ZNF385D: variants seen among roughly 807,000 people sequenced by gnomAD.
The protein encoded by ZNF385D is zinc finger protein 659.
ZNF385D carries 15 observed loss-of-function variants against 35.8 expected under a neutral mutation model. The ratio of observed to expected loss-of-function variants is 0.42; its 90% CI spans 0.28 to 0.64. The LOEUF (loss-of-function observed/expected upper bound fraction) is 0.64. Among genes scored for constraint, ZNF385D ranks in the 30% least tolerant of loss-of-function variants. The pLI is 0.23. For synonymous variants in ZNF385D, 212 were observed against 186.8 expected, an observed-to-expected ratio of 1.13 and a Z score of -1.10; for missense variants, 474 against 494.6, an observed-to-expected ratio of 0.96 and a Z score of 0.39.
intron 2 of ZNF385D, among the ~76,000 whole-genome samples, chr3:22,319,094 A>G (rs568661652): frequency 6.6e-6 from 1 of 152,286 alleles, no homozygotes; most frequent in South Asian, 2.1e-4. Context: ...CAAAAGCCAA[A>G]TTTGTAATTA....
intron 3 of ZNF385D, among the ~76,000 whole-genome samples, chr3:21,888,597 T>C (rs1698676742): frequency 6.6e-6 from 1 of 151,658 alleles, no homozygotes; most frequent in Non-Finnish European, 1.5e-5. Context: ...AGATTAAGAA[T>C]TGAAATAAAA....
chr3:21,441,746 C>CA (rs1450888133), intron 4 of ZNF385D: 1 of 985,044 alleles, frequency 1.0e-6, no homozygotes, highest in East Asian at 1.1e-4. Context: ...TTTCCCCCTG[C>CA]AAAAGATGAG....
At chr3:21,864,774 G>C (rs924226837) in intron 3 of ZNF385D, among the ~76,000 whole-genome samples, 27 of 151,964 alleles carry the variant, frequency 1.8e-4, no homozygotes, top group African/African-American at 6.5e-4. Flanking sequence ...TCTATTCATT[G>C]TCTCTTCTTA....
intron 2 of ZNF385D, among the ~76,000 whole-genome samples, chr3:22,370,074 T>C (rs1696833804): frequency 2.0e-5 from 3 of 152,192 alleles, no homozygotes; most frequent in Admixed American, 6.5e-5. Flanking sequence ...ACCTGGTAAA[T>C]AGCAAGTCAC....
intron 3 of ZNF385D, among the ~76,000 whole-genome samples, chr3:21,997,202 C>T (rs1159222796): frequency 6.6e-6 from 1 of 152,032 alleles, no homozygotes; most frequent in East Asian, 1.9e-4. Context: ...TTTGTAGGGA[C>T]ATGGATGAAG....
upstream of ZNF385D, chr3:21,751,388 A>C: frequency 9.8e-7 from 1 of 1,020,716 alleles, no homozygotes; most frequent in Non-Finnish European, 1.2e-6. Flanking sequence ...TAAAGCGAGA[A>C]GAGTGTCGGG....
At chr3:22,194,874 A>T (rs1696303262) in intron 2 of ZNF385D, among the ~76,000 whole-genome samples, 1 of 152,014 alleles carries the variant, frequency 6.6e-6, no homozygotes, top group East Asian at 1.9e-4. Context: ...AAGATACCAC[A>T]ATTTGCATAT....
rs144704727 is a variant in ZNF385D at position 21,457,334 on chromosome 3, A to T, written c.440-20131T>A. On this transcript the variant is annotated intron_variant, in intron 4 of 7. Transcript: ENST00000281523. ...ACTAGGTGATTTAAGGAGAGTGGTT[A>T]TTTGTTGTTGTCGTTGTTGTTGTTG... is the stretch of plus-strand genomic sequence containing the variant. Among the ~76,000 whole-genome samples, 246 of 123,936 alleles carry T rather than the reference A, an allele frequency of 2.0e-3. 4 individuals are homozygous for T. Among genetic ancestry groups the T allele is most frequent in the South Asian group, 0.018 (67 of 3,632 alleles). 81.3% of individuals were successfully genotyped at this position (123,936 alleles called of 152,430 possible).
chr3:21,850,521 G>A (rs541812721), intron 3 of ZNF385D, among the ~76,000 whole-genome samples: 101 of 152,156 alleles, frequency 6.6e-4, no homozygotes, highest in Non-Finnish European at 7.2e-4. Flanking sequence ...TAGATAAAAT[G>A]ATTTACAATC....
rs139527738 is a variant in ZNF385D, at chr3:22,306,829, T to C, written c.106+65621A>G. 2.0e-3 allele frequency among the ~76,000 whole-genome samples: 308 copies of C among 152,218 alleles called. 2 individuals are homozygous for C. Among genetic ancestry groups the C allele is most frequent in the African/African-American group, 7.0e-3 (291 of 41,532 alleles). ...CAAAGGAGAGGTTTAGATATAAAGA[T>C]AATGAGATAAATGTTAGATATTATA... On this transcript the variant is annotated intron_variant, in intron 2 of 5. Coordinates refer to the ZNF385D transcript ENST00000494108.
chr3:21,831,679 TGA>T (rs1694997906), intron 3 of ZNF385D, among the ~76,000 whole-genome samples: 1 of 152,192 alleles, frequency 6.6e-6, no homozygotes. Context: ...ACTGTTCTTC[TGA>T]GCACTGGGGA....
intron 3 of ZNF385D, among the ~76,000 whole-genome samples, chr3:22,085,151 T>C (rs1265973552): frequency 3.3e-5 from 5 of 151,530 alleles, no homozygotes; most frequent in Non-Finnish European, 5.9e-5. Context: ...CACCCTAACA[T>C]CACAATTAAG....
chr3:21,818,254 C>A (rs558398253), intron 3 of ZNF385D, among the ~76,000 whole-genome samples: 1 of 152,260 alleles, frequency 6.6e-6, no homozygotes, highest in African/African-American at 2.4e-5. Flanking sequence ...GGGTGCATCA[C>A]ACCAACATGG....
intron 2 of ZNF385D, among the ~76,000 whole-genome samples, chr3:22,335,678 CAT>C (rs1212630344): frequency 6.6e-6 from 1 of 152,092 alleles, no homozygotes; most frequent in Non-Finnish European, 1.5e-5. Context: ...AGAGCATTGA[CAT>C]ATATGTTTAT....
Position 22,174,643 on chromosome 3 carries a change from T to C in ZNF385D, c.107-5608A>G, listed in dbSNP as rs1027117894. On this transcript the variant is annotated intron_variant, in intron 2 of 5. Transcript: ENST00000494108. ...CAAGGCTAAACACTGAAAATTCCTT[T>C]AGAAATCTTGATATGATAATATCTC... is the stretch of plus-strand genomic sequence containing the variant. Among the ~76,000 whole-genome samples the C allele has an allele frequency of 9.2e-5, 14 of 152,162 alleles. No homozygotes were observed. The East Asian group carries it at 1.5e-3, about 17-fold the overall frequency.
intron 1 of ZNF385D, among the ~76,000 whole-genome samples, chr3:21,735,292 C>A (rs984620453): frequency 2.0e-5 from 3 of 152,094 alleles, no homozygotes; most frequent in African/African-American, 4.8e-5. Context: ...GACGATGAAC[C>A]AATGACCATC....
intron 3 of ZNF385D, chr3:21,957,166 C>T (rs191269759): frequency 1.3e-5 from 2 of 155,834 alleles, no homozygotes; most frequent in East Asian, 3.8e-4. Context: ...AGCCATGATT[C>T]TGAGAACTTC....
chr3:21,952,145 G>C (rs980249137), intron 3 of ZNF385D, among the ~76,000 whole-genome samples: 1 of 151,978 alleles, frequency 6.6e-6, no homozygotes, highest in African/African-American at 2.4e-5. Flanking sequence ...ATGTAAATAT[G>C]ATGTAGTAAC....
At chr3:21,935,442 G>A (rs1181800678) in intron 3 of ZNF385D, among the ~76,000 whole-genome samples, 2 of 152,190 alleles carry the variant, frequency 1.3e-5, no homozygotes, top group Middle Eastern at 3.4e-3. Context: ...TAGATATAAA[G>A]TAATTCACTG....
Sources: gnomAD v4.1 joint callset for allele counts (sites outside exome capture counted in the v4.1 genomes callset) on GRCh38, gnomAD v4.1.1 for gene constraint, MANE v1.5 for transcripts, NCBI Gene and HGNC (gene_info 2026-07-23, HGNC 2026-07-21) for gene names.